Variants in NHSL1 observed in about 807,000 individuals in gnomAD.
NHSL1 encodes the protein NHS-like protein 1.
In NHSL1, 48 loss-of-function variants were observed where a neutral mutation model predicts 95.0. The ratio of observed to expected loss-of-function variants is 0.51; its 90% CI spans 0.40 to 0.64. The LOEUF (loss-of-function observed/expected upper bound fraction) is 0.64. Among genes scored for constraint, NHSL1 ranks in the 30% least tolerant of loss-of-function variants. The pLI is 0.00. For missense variants in NHSL1, 1,971 were observed against 2,077.7 expected (o/e 0.95, Z 1.00); for synonymous variants, 783 against 833.9 (o/e 0.94, Z 1.05).
intron 1 of NHSL1, among the ~76,000 whole-genome samples, chr6:138,532,614 C>A (rs1051850436): frequency 6.6e-6 from 1 of 151,966 alleles, no homozygotes; most frequent in Non-Finnish European, 1.5e-5. Flanking sequence ...CTCATTTGAT[C>A]CCCCACAAAA....
intron 1 of NHSL1, chr6:138,650,865 T>A: frequency 1.8e-6 from 1 of 541,518 alleles, no homozygotes; most frequent in Admixed American, 1.9e-5. Flanking sequence ...GCGTTGGACA[T>A]CAGCTGGGGC....
At chr6:138,630,353 A>C (rs1252760662) in intron 1 of NHSL1, among the ~76,000 whole-genome samples, 1 of 152,176 alleles carries the variant, frequency 6.6e-6, no homozygotes, top group Non-Finnish European at 1.5e-5. Context: ...TATGCTTTAA[A>C]GGAAAACTCT....
At chr6:138,624,361 G>C (rs961191387) in intron 1 of NHSL1, among the ~76,000 whole-genome samples, 34 of 152,228 alleles carry the variant, frequency 2.2e-4, no homozygotes, top group African/African-American at 7.5e-4. Context: ...AAAGCACCAA[G>C]AATCAGAGAA....
At chr6:138,582,610 TCAGGAGCCTTCC>T (rs1784077891) in intron 1 of NHSL1, among the ~76,000 whole-genome samples, 1 of 152,154 alleles carries the variant, frequency 6.6e-6, no homozygotes, top group Non-Finnish European at 1.5e-5. Context: ...CAACCCCAAG[TCAGGAGCCTTCC>T]CTTTAACTCT....
At chr6:138,638,281 G>C (rs1279856198) in intron 1 of NHSL1, among the ~76,000 whole-genome samples, 1 of 152,180 alleles carries the variant, frequency 6.6e-6, no homozygotes, top group Non-Finnish European at 1.5e-5. Flanking sequence ...CATAGTATTT[G>C]ACAGCACAAC....
upstream of NHSL1, among the ~76,000 whole-genome samples, chr6:138,549,296 T>C (rs527939999): frequency 6.6e-6 from 1 of 152,222 alleles, no homozygotes; most frequent in African/African-American, 2.4e-5. Flanking sequence ...GGCAGGAGAA[T>C]TGCTTGAACC....
At chr6:138,688,080 T>C (rs1785610652) in intron 1 of NHSL1, among the ~76,000 whole-genome samples, 1 of 152,148 alleles carries the variant, frequency 6.6e-6, no homozygotes, top group African/African-American at 2.4e-5. Flanking sequence ...GCCTCCCAAG[T>C]AGCTGAGATT....
intron 1 of NHSL1, among the ~76,000 whole-genome samples, chr6:138,608,681 G>A (rs895892842): frequency 6.6e-6 from 1 of 152,180 alleles, no homozygotes; most frequent in African/African-American, 2.4e-5. Context: ...ACTACGAACT[G>A]CAGTTACTTG....
At chr6:138,619,108 C>T (rs2114621736) in intron 1 of NHSL1, among the ~76,000 whole-genome samples, 1 of 152,306 alleles carries the variant, frequency 6.6e-6, no homozygotes, top group East Asian at 1.9e-4. Flanking sequence ...AAGGCCAAAG[C>T]AGGTGGATCA....
upstream of NHSL1, among the ~76,000 whole-genome samples, chr6:138,547,037 T>C (rs1481984335): frequency 2.6e-5 from 4 of 152,174 alleles, no homozygotes; most frequent in African/African-American, 4.8e-5. Context: ...CCGTTGCTGT[T>C]TGCAGGTCTT....
intron 1 of NHSL1, among the ~76,000 whole-genome samples, chr6:138,658,745 G>A (rs1168073439): frequency 3.3e-5 from 5 of 152,004 alleles, no homozygotes; most frequent in African/African-American, 4.8e-5. Context: ...TAAGACCATC[G>A]AAATCCTTCT....
intron 2 of NHSL1, among the ~76,000 whole-genome samples, chr6:138,491,373 T>C (rs910181579): frequency 1.1e-4 from 16 of 152,350 alleles, no homozygotes; most frequent in Non-Finnish European, 2.1e-4. Flanking sequence ...GCCTTTAATA[T>C]GCTCATAGTT....
upstream of NHSL1, among the ~76,000 whole-genome samples, chr6:138,549,154 C>T (rs548686194): frequency 2.6e-5 from 4 of 152,066 alleles, no homozygotes; most frequent in Non-Finnish European, 4.4e-5. Flanking sequence ...GAGGCCAAGG[C>T]GGGTGGATCA....
chr6:138,663,595 C>A lies in NHSL1; in HGVS notation c.96+28881G>T, dbSNP rs554282095. On this transcript the variant is annotated intron_variant, in intron 1 of 3. Coordinates refer to the NHSL1 transcript ENST00000491526. ...AAAAAAAAAAAATTTCTAGGCCGGGCACGGTGGCTCACGCCTGCAATCTCA... is the reference window on the plus strand; with the variant it reads ...AAAAAAAAAAAATTTCTAGGCCGGGAACGGTGGCTCACGCCTGCAATCTCA... Among the ~76,000 whole-genome samples, 7 of 148,774 alleles carry A rather than the reference C, an allele frequency of 4.7e-5. No individual in the cohort carries two copies. In the East Asian group the frequency reaches 1.4e-3, roughly 30 times the overall value.
chr6:138,498,598 T>G (rs920760744), intron 1 of NHSL1, among the ~76,000 whole-genome samples: 20 of 152,254 alleles, frequency 1.3e-4, no homozygotes, highest in African/African-American at 4.8e-4. Flanking sequence ...GTTATAAAAA[T>G]TATTATTTTC....
At chr6:138,541,322 G>A (rs956036313) in intron 1 of NHSL1, among the ~76,000 whole-genome samples, 5 of 152,186 alleles carry the variant, frequency 3.3e-5, no homozygotes, top group East Asian at 1.9e-4. Context: ...AGCCAAGATC[G>A]CACTACTGCA....
At chr6:138,483,191 G>A (rs570271241) in intron 2 of NHSL1, among the ~76,000 whole-genome samples, 2 of 152,362 alleles carry the variant, frequency 1.3e-5, no homozygotes, top group Non-Finnish European at 2.9e-5. Flanking sequence ...CTACTCAGAG[G>A]AGGTGTTCGG....
intron 1 of NHSL1, among the ~76,000 whole-genome samples, chr6:138,612,724 T>C (rs1189575142): frequency 6.6e-6 from 1 of 152,236 alleles, no homozygotes; most frequent in Non-Finnish European, 1.5e-5. Context: ...CCCTTTTAAC[T>C]AACCTGACAC....
Position 138,628,824 on chromosome 6 carries a change from C to T in NHSL1, c.96+63652G>A, listed in dbSNP as rs189634426. Among the ~76,000 whole-genome samples the T allele has an allele frequency of 1.0e-3, 156 of 152,274 alleles. 1 individual carries two copies. Among genetic ancestry groups the T allele is most frequent in the African/African-American group, 3.6e-3 (150 of 41,564 alleles). On this transcript the variant is annotated intron_variant, in intron 1 of 3. Transcript: ENST00000491526. ...CAAGACTAAAATTTATTTGAAACCA[C>T]GCTTGTTAGCAGAAATGCTTACTAC... is the stretch of plus-strand genomic sequence containing the variant.
Sources: allele counts gnomAD v4.1 joint callset (sites outside exome capture counted in the v4.1 genomes callset), GRCh38; gene constraint gnomAD v4.1.1; transcripts MANE v1.5; gene names NCBI Gene and HGNC (gene_info 2026-07-23, HGNC 2026-07-21).